The following AQR variants were observed in gnomAD, a reference collection of about 807,000 sequenced individuals.
AQR encodes RNA helicase aquarius.
Under a neutral mutation model 180.5 loss-of-function variants are expected in AQR, and 61 were observed. That is an observed-to-expected ratio of 0.34 (90% CI 0.28 to 0.42). The LOEUF is 0.42. Among genes scored for constraint, AQR ranks in the 10% least tolerant of loss-of-function variants. The pLI, the probability that AQR is intolerant of heterozygous loss-of-function variation, is 1.00. For missense variants in AQR, 1,281 were observed against 1,798.3 expected (o/e 0.71, Z 5.20); for synonymous variants, 551 against 588.8 (o/e 0.94, Z 0.93).
chr15:34,936,284 A>G (rs898823018), intron 9 of AQR, among the ~76,000 whole-genome samples: 1 of 152,220 alleles, frequency 6.6e-6, no homozygotes, highest in Non-Finnish European at 1.5e-5. Flanking sequence ...CAAAATATTT[A>G]AAAAATTAGC....
intron 8 of AQR, 30 bp downstream of exon 8, chr15:34,940,869 C>A (rs746917636): frequency 2.6e-6 from 4 of 1,526,974 alleles, no homozygotes; most frequent in Non-Finnish European, 3.6e-6. Context: ...GCATAATAAG[C>A]CAACATGAAA....
intron 28 of AQR, 21 bp from the exon 29 acceptor site, chr15:34,874,885 A>C (rs756831327): frequency 6.9e-6 from 11 of 1,605,524 alleles, no homozygotes; most frequent in Non-Finnish European, 8.5e-6. Context: ...AAAGTAAGGA[A>C]ATGGCAAAAT....
chr15:34,886,882 G>A (rs1428994775), intron 24 of AQR, among the ~76,000 whole-genome samples: 5 of 151,894 alleles, frequency 3.3e-5, no homozygotes, highest in South Asian at 2.1e-4. Flanking sequence ...CCAACACTTC[G>A]GGGAGGCTGA....
At chr15:34,883,204 A>T (rs1277345027) in intron 26 of AQR, among the ~76,000 whole-genome samples, 4 of 152,158 alleles carry the variant, frequency 2.6e-5, no homozygotes, top group Admixed American at 2.6e-4. Context: ...GAGGGAACTG[A>T]TGAAGAAATA....
chr15:34,935,129 T>G (rs1397248642), intron 9 of AQR, among the ~76,000 whole-genome samples: 1 of 152,170 alleles, frequency 6.6e-6, no homozygotes, highest in Non-Finnish European at 1.5e-5. Flanking sequence ...TTTTATTATT[T>G]TTTTCCACTG....
Position 34,969,677 on chromosome 15 carries a change from G to A in AQR, c.-64C>T, listed in dbSNP as rs1395191318. On this transcript the variant is annotated 5_prime_UTR_variant, in exon 1 of 35. Transcript: ENST00000156471. ...ACCGCTCTGGGCAGCGGCAACCCTG[G>A]TCCACTTCCCTTAAGTTACTGCCGG... is the stretch of plus-strand genomic sequence containing the variant. The A allele has an allele frequency of 1.3e-6, 2 of 1,538,118 alleles. No individual in the cohort carries two copies. The highest frequency in any genetic ancestry group is 2.3e-5 in the East Asian group (1 of 43,682).
chr15:34,969,398 T>A (rs2050331670), intron 1 of AQR, 141 bp downstream of exon 1: 1 of 890,422 alleles, frequency 1.1e-6, no homozygotes, highest in African/African-American at 1.7e-5. Context: ...GAGCTGATAC[T>A]CAGTAAAAAG....
intron 30 of AQR, among the ~76,000 whole-genome samples, chr15:34,871,729 TG>T (rs1372320758): frequency 6.6e-6 from 1 of 152,096 alleles, no homozygotes; most frequent in Non-Finnish European, 1.5e-5. Flanking sequence ...CTCTGCGTAA[TG>T]GTTGTCACTT....
chr15:34,869,844 A>G (rs1892790231), intron 31 of AQR: 1 of 152,128 alleles, frequency 6.6e-6, no homozygotes, highest in Non-Finnish European at 1.5e-5. Flanking sequence ...TACTTCATTA[A>G]GTATTTCCCA....
chr15:34,938,889 C>A, intron 8 of AQR, 76 bp from the exon 9 acceptor site: 1 of 1,055,054 alleles, frequency 9.5e-7, no homozygotes, highest in Non-Finnish European at 1.4e-6. Context: ...ATGTTGACCA[C>A]GGCTTTCCAA....
intron 18 of AQR, 27 bp downstream of exon 18, chr15:34,906,518 C>A (rs745583593): frequency 1.9e-6 from 3 of 1,611,938 alleles, no homozygotes; most frequent in Non-Finnish European, 2.5e-6. Flanking sequence ...TATACACATA[C>A]TCTTTCAAAA....
intron 16 of AQR, among the ~76,000 whole-genome samples, chr15:34,914,684 C>A (rs911102863): frequency 6.6e-6 from 1 of 152,164 alleles, no homozygotes; most frequent in East Asian, 1.9e-4. Flanking sequence ...TTAAACTGTT[C>A]TGACCTAGTA....
At chr15:34,860,519 A>AGTTAAGTATG (rs1184814077) in intron 33 of AQR, among the ~76,000 whole-genome samples, 3 of 152,128 alleles carry the variant, frequency 2.0e-5, no homozygotes, top group African/African-American at 7.2e-5. Context: ...TGGGCTGGTA[A>AGTTAAGTATG]GTTAAGTATG....
chr15:34,905,113 AG>A (rs575419415), intron 18 of AQR, among the ~76,000 whole-genome samples: 2 of 75,390 alleles, frequency 2.7e-5, no homozygotes, highest in African/African-American at 5.0e-5. Context: ...GGTGGGGGGA[AG>A]GGGGGGTCTT....
Position 34,876,017 on chromosome 15 carries a change from G to A in AQR, c.3166-11C>T. The A allele has an allele frequency of 6.2e-7, 1 of 1,603,012 alleles. No homozygotes were observed. The highest frequency in any genetic ancestry group is 8.5e-7 in the Non-Finnish European group (1 of 1,172,316). ...CAAAATGTTGTCATACTAAGAAAGA[G>A]GAAATCTTGTCATAAAGACAGCTTA... On this transcript the variant is annotated splice_polypyrimidine_tract_variant and intron_variant, in intron 27 of 34. Transcript: ENST00000156471.
At chr15:34,860,200 C>T in intron 33 of AQR, 45 bp from the exon 34 acceptor site, 1 of 1,023,030 alleles carries the variant, frequency 9.8e-7, no homozygotes. Flanking sequence ...TAAAACAACC[C>T]TAGAAGGTAA....
chr15:34,905,554 C>T (rs770267921), intron 18 of AQR, among the ~76,000 whole-genome samples: 2 of 150,908 alleles, frequency 1.3e-5, no homozygotes, highest in Non-Finnish European at 2.9e-5. Flanking sequence ...TTACCTAATG[C>T]CAAGAGCCTG....
chr15:34,867,597 C>A lies in AQR; in HGVS notation c.3781G>T (p.Asp1261Tyr). 6.2e-7 allele frequency: 1 copy of A among 1,609,940 alleles called. No individual in the cohort carries two copies. The highest frequency in any genetic ancestry group is 1.1e-5 in the South Asian group (1 of 90,126). The change falls in exon 32 of 35, where the codon GAT (aspartate) becomes TAT (tyrosine). Residue 1261 changes from aspartate to tyrosine, a missense_variant. Physicochemically the swap from Asp to Tyr is radical, Grantham distance 160. Around this residue, in one of 9 missense-constraint regions of AQR, gnomAD observed 197 missense variants for 320.7 expected, o/e 0.61. Coordinates refer to ENST00000156471, the MANE Select transcript of AQR (RefSeq NM_014691.3). ...IGRPNKVTTV[D>Y]RFQGQQNDYI... The stretch of plus-strand genomic sequence containing the variant: ...TCATTCTGTTGACCTTGAAATCTAT[C>A]AACAGTTGTCACCTAGAAATAAAAA...
chr15:34,878,505 T>C (rs1892920921), intron 27 of AQR, among the ~76,000 whole-genome samples: 1 of 151,320 alleles, frequency 6.6e-6, no homozygotes, highest in Non-Finnish European at 1.5e-5. Context: ...ACTTGGTACA[T>C]AGCTGACGCT....
Sources: allele counts gnomAD v4.1 joint callset (sites outside exome capture counted in the v4.1 genomes callset), GRCh38; gene constraint gnomAD v4.1.1; regional missense constraint gnomAD v4.1.1; transcripts MANE v1.5; gene names NCBI Gene and HGNC (gene_info 2026-07-23, HGNC 2026-07-21).